RPS6: variants seen among roughly 807,000 people sequenced by gnomAD.
RPS6 encodes the protein ribosomal protein S6.
Under a neutral mutation model 27.1 loss-of-function variants are expected in RPS6, and 1 was observed. That is an observed-to-expected ratio of 0.04 (90% CI 0.01 to 0.18). RPS6 has a LOEUF of 0.18. Among genes scored for constraint, RPS6 ranks in the 10% least tolerant of loss-of-function variants. The probability of loss-of-function intolerance (pLI) is 1.00; values close to 1 mark genes in which losing one functional copy is unlikely to be tolerated. For missense variants in RPS6, 259 were observed against 319.1 expected (o/e 0.81, Z 1.44); for synonymous variants, 152 against 106.0 (o/e 1.43, Z -2.66).
chr9:19,378,076 C>T (rs62562711), intron 4 of RPS6, among the ~76,000 whole-genome samples: 7,633 of 152,236 alleles, frequency 0.05, 234 homozygotes, highest in Middle Eastern at 0.22. Flanking sequence ...ACATGTGACT[C>T]CTAAACCAGA....
chr9:19,379,848 G>A (rs1328000207), intron 1 of RPS6: 3 of 1,425,680 alleles, frequency 2.1e-6, no homozygotes, highest in Non-Finnish European at 2.7e-6. Context: ...ATGACTCTGG[G>A]GGCGAGGGCA....
At position 19,375,973 on chromosome 9, in the gene RPS6, C is replaced by A; in HGVS notation, c.*320G>T. 1 of 192,410 alleles carries A rather than the reference C, an allele frequency of 5.2e-6. No homozygotes were observed. The highest frequency in any genetic ancestry group is 1.1e-5 in the Non-Finnish European group (1 of 92,306). The allele number at this position is 192,410 out of a possible 1,614,324, so 11.9% of individuals were successfully genotyped here. ...TAGTGCTTTAAAGAGCTATATTCCT[C>A]AAAAATAAACTATATAAAAAAGATT... On this transcript the variant is annotated 3_prime_UTR_variant, in exon 6 of 6. Transcript: ENST00000380394.
intron 1 of RPS6, 152 bp downstream of exon 1, chr9:19,380,037 GC>G: frequency 6.4e-7 from 1 of 1,558,302 alleles, no homozygotes; most frequent in Non-Finnish European, 8.7e-7. Context: ...CGGCCAAAAA[GC>G]TCCATGCCCC....
At chr9:19,379,979 G>A (rs758610595) in intron 1 of RPS6, 3 of 1,448,804 alleles carry the variant, frequency 2.1e-6, no homozygotes, top group Non-Finnish European at 2.7e-6. Flanking sequence ...CGCCACCATG[G>A]CGCTCCCGGC....
Position 19,376,268 on chromosome 9 carries a change from T to G in RPS6, c.*25A>C. On this transcript the variant is annotated 3_prime_UTR_variant, in exon 6 of 6. Coordinates refer to ENST00000380394, the MANE Select transcript of RPS6 (RefSeq NM_001010.3). The stretch of plus-strand genomic sequence containing the variant: ...AGTCAACAGAGATCAGAGTCTGATC[T>G]TATTTATTTGTTACTCAAAAAATCT... 6.4e-7 allele frequency: 1 copy of G among 1,574,086 alleles called. No homozygotes were observed. Among genetic ancestry groups the G allele is most frequent in the Admixed American group, 1.7e-5 (1 of 57,160 alleles).
chr9:19,376,700 C>A, intron 4 of RPS6, 49 bp from the exon 5 acceptor site: 2 of 1,549,924 alleles, frequency 1.3e-6, no homozygotes, highest in South Asian at 2.4e-5. Context: ...TTGTTAGAAT[C>A]CACATCTACT....
chr9:19,376,195 C>A lies in RPS6; in HGVS notation c.*98G>T. The A allele has an allele frequency of 9.6e-7, 1 of 1,045,352 alleles. No homozygotes were observed. The highest frequency in any genetic ancestry group is 1.4e-6 in the Non-Finnish European group (1 of 700,340). 64.8% of individuals were successfully genotyped at this position (1,045,352 alleles called of 1,614,324 possible). A position where few individuals can be genotyped will look rare whatever the true frequency, so the allele number is the denominator to read the frequency against. Reference sequence around the variant, plus strand: ...ATATACATATCCCCATTTTCTATGACCTAACTTTCCCTCTCTTCATTTATG... The same window carrying A: ...ATATACATATCCCCATTTTCTATGAACTAACTTTCCCTCTCTTCATTTATG... On this transcript the variant is annotated 3_prime_UTR_variant, in exon 6 of 6. Coordinates refer to ENST00000380394, the MANE Select transcript of RPS6 (RefSeq NM_001010.3).
intron 1 of RPS6, 146 bp from the exon 2 acceptor site, chr9:19,379,764 A>C: frequency 6.8e-7 from 1 of 1,474,442 alleles, no homozygotes; most frequent in African/African-American, 1.4e-5. Context: ...GTACTCACTA[A>C]AAGCACGTGA....
In RPS6 at chr9:19,378,410, C is replaced by G; in HGVS notation, c.454G>C (p.Asp152His). Residue 152 changes from aspartate to histidine, a missense_variant, in exon 4 of 6, where the codon GAT (aspartate) becomes CAT (histidine). Around this residue, in one of 3 missense-constraint regions of RPS6, gnomAD observed 191 missense variants for 231.6 expected, o/e 0.82. Transcript: ENST00000380394. ...RKLFNLSKED[D>H]VRQYVVRKPL... Reference sequence around the variant, plus strand: ...TTTCTTACAACATACTGGCGGACATCATCTTCTTTAGAGAGATTGAAAAGT... The same window carrying G: ...TTTCTTACAACATACTGGCGGACATGATCTTCTTTAGAGAGATTGAAAAGT... 1 of 1,613,462 alleles carries G rather than the reference C, an allele frequency of 6.2e-7. No individual in the cohort carries two copies. Among genetic ancestry groups the G allele is most frequent in the Non-Finnish European group, 8.5e-7 (1 of 1,180,014 alleles).
chr9:19,379,506 G>C lies in RPS6; in HGVS notation c.119C>G (p.Ala40Gly), dbSNP rs760228833. The C allele has an allele frequency of 3.1e-6, 5 of 1,614,044 alleles. No homozygotes were observed. The highest frequency in any genetic ancestry group is 2.7e-5 in the African/African-American group (2 of 74,906). Reference protein sequence around the residue: ...KRMATEVAADALGEEWKGYVV... With the variant: ...KRMATEVAADGLGEEWKGYVV... ...TTTTACCTTCCATTCTTCACCCAGA[G>C]CGTCAGCAGCAACTTCTGTGGCCAT... Residue 40 changes from alanine (A) to glycine (G), a missense_variant, in exon 2 of 6, where the codon GCT becomes GGT. Ala to Gly is a moderately conservative substitution (Grantham distance 60). Transcript: ENST00000380394.
intron 1 of RPS6, chr9:19,379,950 T>C: frequency 7.0e-7 from 1 of 1,436,290 alleles, no homozygotes; most frequent in Non-Finnish European, 9.1e-7. Context: ...GCCGCATCCG[T>C]CCCGGCTGGG....
intron 1 of RPS6, 159 bp downstream of exon 1, chr9:19,380,031 C>G (rs556977853): frequency 6.5e-7 from 1 of 1,544,240 alleles, no homozygotes; most frequent in South Asian, 1.2e-5. Flanking sequence ...TCCGTTCGGC[C>G]AAAAAGCTCC....
At position 19,379,723 on chromosome 9, in the gene RPS6, C is replaced by T. The variant is rs187017123; in HGVS notation, c.7-105G>A. ...CTGCAAAAAGCCTTTCATGTTGCCT[C>T]CACACAAGCAGGAAATATAAGATGC... On this transcript the variant is annotated intron_variant, in intron 1 of 5. Transcript: ENST00000380394. 3.0e-4 allele frequency: 458 copies of T among 1,510,938 alleles called. 1 individual carries two copies. The African/African-American group carries it at 5.8e-3, about 19-fold the overall frequency. 93.6% of individuals were successfully genotyped at this position (1,510,938 alleles called of 1,614,324 possible).
At chr9:19,379,700 G>A in intron 1 of RPS6, 82 bp from the exon 2 acceptor site, 2 of 1,521,472 alleles carry the variant, frequency 1.3e-6, no homozygotes, top group South Asian at 1.3e-5. Flanking sequence ...TAATTCCACT[G>A]CAAAAAGCCT....
In RPS6 at chr9:19,378,425, G is replaced by C; in HGVS notation, c.439C>G (p.Leu147Val). ...TGGCGGACATCATCTTCTTTAGAGA[G>C]ATTGAAAAGTTTGCGGATTCTGCTA... Reference protein sequence around the residue: ...RASRIRKLFNLSKEDDVRQYV... With the variant: ...RASRIRKLFNVSKEDDVRQYV... Residue 147 changes from leucine (L) to valine (V), a missense_variant, in exon 4 of 6, where the codon CTC becomes GTC. By Grantham distance (32) the Leu-to-Val change is conservative. Around this residue, in one of 3 missense-constraint regions of RPS6, gnomAD observed 191 missense variants for 231.6 expected, o/e 0.82. Transcript: ENST00000380394. 2 of 1,613,854 alleles carry C rather than the reference G, an allele frequency of 1.2e-6. No individual in the cohort carries two copies. The highest frequency in any genetic ancestry group is 1.7e-6 in the Non-Finnish European group (2 of 1,180,014).
intron 1 of RPS6, chr9:19,379,909 C>T: frequency 7.0e-7 from 1 of 1,426,484 alleles, no homozygotes; most frequent in Non-Finnish European, 9.1e-7. Context: ...TCAAGAGCCG[C>T]ACCACAGGCC....
At position 19,375,771 on chromosome 9, in the gene RPS6, T is replaced by G. The variant is rs1829561566; in HGVS notation, c.*522A>C. The stretch of plus-strand genomic sequence containing the variant: ...TTTCCTTTTCAGTGTGTGAACAGCC[T>G]AACAATTCACTGGAGTTGAAAAGCT... On this transcript the variant is annotated 3_prime_UTR_variant, in exon 6 of 6. Coordinates refer to ENST00000380394, the MANE Select transcript of RPS6 (RefSeq NM_001010.3). 1 of 152,552 alleles carries G rather than the reference T, an allele frequency of 6.6e-6. No individual in the cohort carries two copies. The highest frequency in any genetic ancestry group is 2.1e-4 in the South Asian group (1 of 4,834). 9.4% of individuals were successfully genotyped at this position (152,552 alleles called of 1,614,324 possible).
At chr9:19,377,365 G>A (rs538916918) in intron 4 of RPS6, among the ~76,000 whole-genome samples, 32 of 150,866 alleles carry the variant, frequency 2.1e-4, no homozygotes, top group Non-Finnish European at 3.8e-4. Context: ...CTATGATTAT[G>A]GGCAACTGCC....
intron 1 of RPS6, 56 bp from the exon 2 acceptor site, chr9:19,379,674 G>C: frequency 2.6e-6 from 4 of 1,551,428 alleles, no homozygotes; most frequent in Non-Finnish European, 3.5e-6. Flanking sequence ...GGTAATTGTA[G>C]AGCCATCTAC....
Sources: gnomAD v4.1 joint callset for allele counts (sites outside exome capture counted in the v4.1 genomes callset) on GRCh38, gnomAD v4.1.1 for gene constraint, gnomAD v4.1.1 regional missense constraint, MANE v1.5 for transcripts, NCBI Gene and HGNC (gene_info 2026-07-23, HGNC 2026-07-21) for gene names.